TNPO1: variants seen among roughly 807,000 people sequenced by gnomAD.
The protein encoded by TNPO1 is transportin-1.
TNPO1 carries 8 observed loss-of-function variants against 119.5 expected under a neutral mutation model. The ratio of observed to expected loss-of-function variants is 0.07; its 90% CI spans 0.04 to 0.12. TNPO1 has a LOEUF of 0.12. Among genes scored for constraint, TNPO1 ranks in the 10% least tolerant of loss-of-function variants. The pLI, the probability that TNPO1 is intolerant of heterozygous loss-of-function variation, is 1.00. For synonymous variants in TNPO1, 362 were observed against 363.0 expected (o/e 1.00, Z 0.03); for missense variants, 576 against 1,089.8 (o/e 0.53, Z 6.64).
chr5:72,867,484 A>G (rs984400049), intron 6 of TNPO1, among the ~76,000 whole-genome samples: 2 of 152,228 alleles, frequency 1.3e-5, no homozygotes, highest in Non-Finnish European at 2.9e-5. Context: ...CAATTTAAAA[A>G]TAAGAACCAT....
rs540098939 is a variant in TNPO1, at chr5:72,912,113, C to G, written c.*3440C>G. 2 of 152,206 alleles carry G rather than the reference C, an allele frequency of 1.3e-5. No individual in the cohort carries two copies. The highest frequency in any genetic ancestry group is 3.9e-4 in the East Asian group (2 of 5,168). 9.4% of individuals were successfully genotyped at this position (152,206 alleles called of 1,614,324 possible). On this transcript the variant is annotated 3_prime_UTR_variant, in exon 25 of 25. Transcript: ENST00000337273. ...TTAATATTTTTTGGTTGGTTATTTC[C>G]CAAATAATCAACATGTAAATAATCT...
chr5:72,902,461 T>A (rs573552348), intron 22 of TNPO1, among the ~76,000 whole-genome samples: 354 of 152,160 alleles, frequency 2.3e-3, no homozygotes, highest in Non-Finnish European at 4.2e-3. Flanking sequence ...GCCAGTGCCA[T>A]CTTGAGAGGT....
At chr5:72,837,014 G>C (rs1016297826) in intron 1 of TNPO1, among the ~76,000 whole-genome samples, 1 of 152,142 alleles carries the variant, frequency 6.6e-6, no homozygotes, top group African/African-American at 2.4e-5. Flanking sequence ...GAGGATTGAG[G>C]CATGTCATGC....
intron 4 of TNPO1, among the ~76,000 whole-genome samples, chr5:72,858,953 GTT>G (rs35567162): frequency 5.2e-5 from 7 of 135,698 alleles, no homozygotes; most frequent in Middle Eastern, 3.8e-3. Flanking sequence ...ATCTGGGAAG[GTT>G]TTTTTTTTTT....
At chr5:72,889,734 G>A (rs1748913321) in intron 13 of TNPO1, 52 bp from the exon 14 acceptor site, 1 of 1,518,946 alleles carries the variant, frequency 6.6e-7, no homozygotes, top group African/African-American at 1.4e-5. Context: ...GCAATTAAGA[G>A]TTAGATATAT....
intron 9 of TNPO1, among the ~76,000 whole-genome samples, chr5:72,882,258 C>T (rs909869409): frequency 6.6e-6 from 1 of 152,198 alleles, no homozygotes; most frequent in Non-Finnish European, 1.5e-5. Context: ...TTTCTTAAAC[C>T]TATCCAGGGG....
At chr5:72,898,157 T>A (rs1749570523) in intron 20 of TNPO1, among the ~76,000 whole-genome samples, 1 of 152,092 alleles carries the variant, frequency 6.6e-6, no homozygotes. Flanking sequence ...TTGTTAGGAT[T>A]TTATCTTTTC....
intron 1 of TNPO1, among the ~76,000 whole-genome samples, chr5:72,844,637 G>C (rs1322502728): frequency 6.6e-6 from 1 of 152,180 alleles, no homozygotes; most frequent in Non-Finnish European, 1.5e-5. Flanking sequence ...CATATTGTGT[G>C]CCAGGGACCT....
chr5:72,870,482 G>C (rs1747306787), intron 6 of TNPO1, among the ~76,000 whole-genome samples: 1 of 151,752 alleles, frequency 6.6e-6, no homozygotes, highest in Non-Finnish European at 1.5e-5. Context: ...TTTTAATGAA[G>C]TTTTCTACTT....
At chr5:72,883,744 TTTG>T (rs1748419732) in intron 11 of TNPO1, among the ~76,000 whole-genome samples, 1 of 152,064 alleles carries the variant, frequency 6.6e-6, no homozygotes, top group African/African-American at 2.4e-5. Context: ...TGTTTGTTTG[TTTG>T]TTTTTTTGTT....
At chr5:72,827,734 G>A (rs1023787523) in intron 1 of TNPO1, among the ~76,000 whole-genome samples, 1 of 151,902 alleles carries the variant, frequency 6.6e-6, no homozygotes, top group African/African-American at 2.4e-5. Flanking sequence ...GGCAGCATAG[G>A]GAGACCCTGT....
chr5:72,864,579 A>C (rs1230392074), intron 5 of TNPO1, among the ~76,000 whole-genome samples: 1 of 151,528 alleles, frequency 6.6e-6, no homozygotes, highest in African/African-American at 2.4e-5. Context: ...TTTTATATGT[A>C]AGTAACTTTT....
In TNPO1 at chr5:72,883,179, ATGATGATGATGATGAAAT is replaced by A; in HGVS notation, c.1111_1128del (p.Glu371_Asp376del). The A allele has an allele frequency of 1.3e-6, 2 of 1,575,544 alleles. No homozygotes were observed. Among genetic ancestry groups the A allele is most frequent in the South Asian group, 1.1e-5 (1 of 90,298 alleles). On this transcript the variant is annotated inframe_deletion, in exon 11 of 25. Transcript: ENST00000337273. Reference sequence around the variant, plus strand: ...GATGAAGATGGAATTGAAGAGGAAGATGATGATGATGATGAAATTGATGATGATGATACAATTTCTGAC... The same window carrying A: ...GATGAAGATGGAATTGAAGAGGAAGATGATGATGATGATACAATTTCTGAC...
intron 1 of TNPO1, among the ~76,000 whole-genome samples, chr5:72,827,534 AAG>A (rs1229192219): frequency 1.3e-5 from 2 of 152,102 alleles, no homozygotes; most frequent in Non-Finnish European, 2.9e-5. Flanking sequence ...GGTGTATTTT[AAG>A]AGTCTTGGCT....
chr5:72,907,995 G>A (rs1191699196), intron 24 of TNPO1, among the ~76,000 whole-genome samples: 6 of 152,172 alleles, frequency 3.9e-5, no homozygotes. Flanking sequence ...TGGGGCTTCA[G>A]TGAGCCATAT....
chr5:72,872,609 CAT>C (rs1561331264), intron 6 of TNPO1, 28 bp from the exon 7 acceptor site: 5 of 1,491,484 alleles, frequency 3.4e-6, no homozygotes, highest in Non-Finnish European at 4.6e-6. Context: ...TTACAATGAG[CAT>C]ATGTTAAATT....
At chr5:72,850,146 A>T (rs1369084314) in intron 2 of TNPO1, among the ~76,000 whole-genome samples, 1 of 152,182 alleles carries the variant, frequency 6.6e-6, no homozygotes, top group Non-Finnish European at 1.5e-5. Context: ...CTAAGAAGAT[A>T]ATATATTTAA....
At chr5:72,823,600 C>T (rs1182928674) in intron 1 of TNPO1, among the ~76,000 whole-genome samples, 1 of 152,148 alleles carries the variant, frequency 6.6e-6, no homozygotes, top group African/African-American at 2.4e-5. Context: ...CTCCCCTGCC[C>T]CTTACCCTCT....
At chr5:72,890,791 C>T (rs1190477252) in intron 14 of TNPO1, among the ~76,000 whole-genome samples, 2 of 152,062 alleles carry the variant, frequency 1.3e-5, no homozygotes, top group Admixed American at 6.6e-5. Context: ...TGTAAGTTTA[C>T]CTGTTGATTT....
Sources: allele counts gnomAD v4.1 joint callset (sites outside exome capture counted in the v4.1 genomes callset), GRCh38; gene constraint gnomAD v4.1.1; transcripts MANE v1.5; gene names NCBI Gene and HGNC (gene_info 2026-07-23, HGNC 2026-07-21).